The following LIMS1 variants were observed in gnomAD, a reference collection of about 807,000 sequenced individuals.
The protein encoded by LIMS1 is LIM and senescent cell antigen-like-containing domain protein 1.
A neutral mutation model predicts 44.1 loss-of-function variants in LIMS1; 18 were observed. The observed-to-expected ratio is 0.41, with a 90% CI of 0.28 to 0.61. LIMS1 has a LOEUF of 0.61. Among genes scored for constraint, LIMS1 ranks in the 20% least tolerant of loss-of-function variants. LIMS1 has a pLI of 0.32. For synonymous variants in LIMS1, 93 were observed against 149.1 expected (o/e 0.62, Z 2.74); for missense variants, 201 against 422.0 (o/e 0.48, Z 4.59).
Position 108,667,551 on chromosome 2 carries a change from A to ATATATAT in LIMS1, c.193-3230_193-3229insTATATAT, listed in dbSNP as rs1553469851. Among the ~76,000 whole-genome samples, 1,275 of 130,408 alleles carry ATATATAT rather than the reference A, an allele frequency of 9.8e-3. 23 individuals carry two copies. Among genetic ancestry groups the ATATATAT allele is most frequent in the African/African-American group, 0.029 (1,017 of 34,948 alleles). The allele number at this position is 130,408 out of a possible 152,430, so 85.6% of individuals were successfully genotyped here. ...TTCAACCTTTTTTAAAAAAAAAAAA[A>ATATATAT]ATATATATATATATATATACTGCTG... On this transcript the variant is annotated intron_variant, in intron 2 of 9. Coordinates refer to ENST00000544547, the Ensembl canonical transcript of LIMS1.
At chr2:108,630,192 CAAAAAAAAAAAA>C (rs59941456) in intron 1 of LIMS1, among the ~76,000 whole-genome samples, 1 of 103,954 alleles carries the variant, frequency 9.6e-6, no homozygotes, top group Non-Finnish European at 1.9e-5. Flanking sequence ...GACCCTGTCT[CAAAAAAAAAAAA>C]AAAAAAAAAA....
intron 1 of LIMS1, among the ~76,000 whole-genome samples, chr2:108,538,400 A>G (rs1684210801): frequency 6.6e-6 from 1 of 152,176 alleles, no homozygotes; most frequent in African/African-American, 2.4e-5. Flanking sequence ...GTGACATTTA[A>G]CAGTGGGGCG....
chr2:108,567,508 A>G (rs1685333528), intron 1 of LIMS1, among the ~76,000 whole-genome samples: 1 of 152,236 alleles, frequency 6.6e-6, no homozygotes, highest in South Asian at 2.1e-4. Flanking sequence ...TGATCAATAA[A>G]ACACGACAGT....
chr2:108,622,374 C>T (rs1240857644), intron 1 of LIMS1, among the ~76,000 whole-genome samples: 2 of 152,104 alleles, frequency 1.3e-5, no homozygotes, highest in African/African-American at 4.8e-5. Flanking sequence ...TTAAATGTAA[C>T]AAGGACAAAT....
rs144475199 is a variant in LIMS1 at position 108,535,124 on chromosome 2, C to G, written c.32+530C>G. 5.0e-3 allele frequency among the ~76,000 whole-genome samples: 767 copies of G among 152,330 alleles called. 6 individuals carry two copies. Among genetic ancestry groups the G allele is most frequent in the African/African-American group, 0.018 (728 of 41,566 alleles). On this transcript the variant is annotated intron_variant, in intron 1 of 9. Coordinates refer to ENST00000544547, the Ensembl canonical transcript of LIMS1. ...AAGAGTTCGTGGGACGACTGGCGTC[C>G]TTTACAGTTTGCGAATCTCTTGAGT...
At chr2:108,624,185 T>G (rs1386984320) in intron 1 of LIMS1, among the ~76,000 whole-genome samples, 1 of 152,182 alleles carries the variant, frequency 6.6e-6, no homozygotes, top group Non-Finnish European at 1.5e-5. Context: ...CATTGACCCT[T>G]TTTTCCCTGA....
intron 1 of LIMS1, among the ~76,000 whole-genome samples, chr2:108,618,520 A>G (rs764059316): frequency 6.6e-6 from 1 of 151,070 alleles, no homozygotes; most frequent in Non-Finnish European, 1.5e-5. Context: ...CTCTCTCTCT[A>G]TCTTCAGTGA....
At chr2:108,570,527 G>A (rs1010386809) in intron 1 of LIMS1, among the ~76,000 whole-genome samples, 1 of 152,156 alleles carries the variant, frequency 6.6e-6, no homozygotes, top group African/African-American at 2.4e-5. Flanking sequence ...TGGCAGGTTG[G>A]TCGTGGGGGA....
At chr2:108,619,022 C>T (rs1211943044) in intron 1 of LIMS1, among the ~76,000 whole-genome samples, 1 of 151,906 alleles carries the variant, frequency 6.6e-6, no homozygotes, top group African/African-American at 2.4e-5. Context: ...GGTAACTGTC[C>T]CTGTTACTGC....
intron 1 of LIMS1, among the ~76,000 whole-genome samples, chr2:108,563,422 C>T (rs987463549): frequency 3.9e-5 from 6 of 152,138 alleles, no homozygotes; most frequent in African/African-American, 1.4e-4. Context: ...AAAATACCAA[C>T]ATTAGTAGGA....
chr2:108,595,387 C>G (rs758903591), intron 1 of LIMS1, among the ~76,000 whole-genome samples: 3 of 152,038 alleles, frequency 2.0e-5, no homozygotes, highest in Admixed American at 6.6e-5. Context: ...ATGGGAATTC[C>G]CAGACCTCAG....
chr2:108,634,035 C>T (rs556550274), intron 1 of LIMS1, among the ~76,000 whole-genome samples: 1 of 152,304 alleles, frequency 6.6e-6, no homozygotes, highest in Non-Finnish European at 1.5e-5. Flanking sequence ...GGACTGGATG[C>T]TGGCTGTAGC....
At chr2:108,621,282 T>G in intron 1 of LIMS1, 1 of 1,538,070 alleles carries the variant, frequency 6.5e-7, no homozygotes, top group Non-Finnish European at 8.8e-7. Context: ...CAAGGGACGC[T>G]GCTTTCCCCT....
rs71381966 is a variant in LIMS1 at position 108,549,279 on chromosome 2, C to CTTTTTTTTTT, written c.32+14709_32+14718dup. ...ATAATAATGTACAAGTAAAGTGTTT[C>CTTTTTTTTTT]TTTTTTTTTTTTTTTTTTTTTTTTT... On this transcript the variant is annotated intron_variant, in intron 1 of 9. Coordinates refer to ENST00000544547, the Ensembl canonical transcript of LIMS1. Among the ~76,000 whole-genome samples, 30 of 55,794 alleles carry CTTTTTTTTTT rather than the reference C, an allele frequency of 5.4e-4. 5 individuals carry two copies. Among genetic ancestry groups the CTTTTTTTTTT allele is most frequent in the Non-Finnish European group, 5.9e-4 (19 of 32,030 alleles). 36.6% of individuals were successfully genotyped at this position (55,794 alleles called of 152,430 possible). A position where few individuals can be genotyped will look rare whatever the true frequency, so the allele number is the denominator to read the frequency against.
At chr2:108,610,177 TG>T (rs1573439334) in intron 1 of LIMS1, among the ~76,000 whole-genome samples, 3 of 151,584 alleles carry the variant, frequency 2.0e-5, no homozygotes, top group East Asian at 1.9e-4. Flanking sequence ...TGTGTGTGTG[TG>T]TGTGTGTGTG....
chr2:108,657,398 A>G (rs552498689), intron 1 of LIMS1, among the ~76,000 whole-genome samples: 315 of 152,168 alleles, frequency 2.1e-3, no homozygotes, highest in African/African-American at 7.2e-3. Flanking sequence ...TATGAGCAGC[A>G]TCTTACGGTT....
chr2:108,631,843 T>G (rs1688945499), intron 1 of LIMS1, among the ~76,000 whole-genome samples: 1 of 152,248 alleles, frequency 6.6e-6, no homozygotes, highest in Non-Finnish European at 1.5e-5. Flanking sequence ...CACTTCTGTC[T>G]GTAAGTTCCC....
intron 1 of LIMS1, among the ~76,000 whole-genome samples, chr2:108,545,238 A>T (rs1390616516): frequency 6.6e-6 from 1 of 152,146 alleles, no homozygotes; most frequent in African/African-American, 2.4e-5. Flanking sequence ...TCCTCAGGGT[A>T]TATGGTTTAA....
Position 108,555,059 on chromosome 2 carries a change from C to T in LIMS1, c.32+20465C>T, listed in dbSNP as rs189024554. Among the ~76,000 whole-genome samples the T allele has an allele frequency of 2.0e-5, 3 of 152,280 alleles. No individual in the cohort carries two copies. The East Asian group carries it at 5.8e-4, about 29-fold the overall frequency. On this transcript the variant is annotated intron_variant, in intron 1 of 9. Transcript: ENST00000544547. ...TTCCTAATAACGAGATGCACATTTT[C>T]TTCGGTTACTTCCCCTTCACCCTTA...
Sources: gnomAD v4.1 joint callset for allele counts (sites outside exome capture counted in the v4.1 genomes callset) on GRCh38, gnomAD v4.1.1 for gene constraint, MANE v1.5 for transcripts, NCBI Gene and HGNC (gene_info 2026-07-23, HGNC 2026-07-21) for gene names.